Variants in CCNA1 observed in about 807,000 individuals in gnomAD.
CCNA1 encodes cyclin A1.
A neutral mutation model predicts 54.1 loss-of-function variants in CCNA1; 23 were observed. The ratio of observed to expected loss-of-function variants is 0.42; its 90% CI spans 0.31 to 0.60. The LOEUF is 0.60. Among genes scored for constraint, CCNA1 ranks in the 20% least tolerant of loss-of-function variants. The pLI is 0.14. For synonymous variants in CCNA1, 208 were observed against 213.9 expected, an observed-to-expected ratio of 0.97 and a Z score of 0.24; for missense variants, 450 against 556.7, an observed-to-expected ratio of 0.81 and a Z score of 1.93.
At chr13:36,431,631 TC>T (rs1411289966), upstream of CCNA1, 3 of 152,240 alleles carry the variant, frequency 2.0e-5, no homozygotes, top group Non-Finnish European at 2.9e-5. Flanking sequence ...CCACATCTCC[TC>T]TGCCGCCTCG....
At chr13:36,435,734 T>A (rs2055796021) in intron 2 of CCNA1, among the ~76,000 whole-genome samples, 1 of 152,228 alleles carries the variant, frequency 6.6e-6, no homozygotes. Context: ...TATTTCTATC[T>A]CTGGCCTGGG....
At chr13:36,433,611 G>T (rs1421088722) in intron 2 of CCNA1, among the ~76,000 whole-genome samples, 28 of 147,012 alleles carry the variant, frequency 1.9e-4, no homozygotes, top group African/African-American at 6.6e-4. Context: ...CGCGATCTCG[G>T]CTCACTGCAA....
At chr13:36,432,448 C>G (rs999807605), upstream of CCNA1, 3 of 519,522 alleles carry the variant, frequency 5.8e-6, no homozygotes, top group Non-Finnish European at 1.0e-5. Flanking sequence ...CCGCCCTGCC[C>G]CGCCCAGCCG....
upstream of CCNA1, chr13:36,432,059 C>A (rs1033057048): frequency 1.3e-5 from 2 of 153,094 alleles, no homozygotes; most frequent in African/African-American, 4.8e-5. Flanking sequence ...GTCAGCCCCA[C>A]CTCGCCCGGG....
chr13:36,441,024 G>A, intron 6 of CCNA1, 94 bp from the exon 7 acceptor site: 1 of 642,796 alleles, frequency 1.6e-6, no homozygotes, highest in Non-Finnish European at 2.7e-6. Flanking sequence ...ACTGAACAAA[G>A]ATAAGATACC....
chr13:36,440,285 TC>T, intron 6 of CCNA1, 102 bp downstream of exon 6: 1 of 1,055,256 alleles, frequency 9.5e-7, no homozygotes. Flanking sequence ...TCAGTTTTCT[TC>T]CCACAGGCCC....
chr13:36,442,440 T>A lies in CCNA1; in HGVS notation c.1346+136T>A, dbSNP rs9576054. On this transcript the variant is annotated intron_variant, in intron 8 of 8. Coordinates refer to ENST00000255465, the MANE Select transcript of CCNA1 (RefSeq NM_003914.4). ...AAAAGTAAGGGTACGTGTACAAATT[T>A]ACAAATAAATTTGAAAAGACCTAGA... is the stretch of plus-strand genomic sequence containing the variant. 2.8e-5 allele frequency: 32 copies of A among 1,143,932 alleles called. No individual in the cohort carries two copies. In the East Asian group the frequency reaches 6.8e-4, roughly 24 times the overall value. 70.9% of individuals were successfully genotyped at this position (1,143,932 alleles called of 1,614,324 possible). A position where few individuals can be genotyped will look rare whatever the true frequency, so the allele number is the denominator to read the frequency against.
intron 2 of CCNA1, among the ~76,000 whole-genome samples, chr13:36,433,434 C>CTTTTCT (rs1555269919): frequency 3.1e-5 from 3 of 96,956 alleles, no homozygotes; most frequent in African/African-American, 1.1e-4. Flanking sequence ...TTCTTTCTTT[C>CTTTTCT]TTTCTTTCGT....
intron 8 of CCNA1, 52 bp downstream of exon 8, chr13:36,442,356 T>A (rs375768519): frequency 5.6e-5 from 88 of 1,570,338 alleles, no homozygotes; most frequent in Non-Finnish European, 7.4e-5. Flanking sequence ...GCTTAATGGG[T>A]TATAGTAATG....
chr13:36,439,040 A>C (rs1449648956), intron 5 of CCNA1, among the ~76,000 whole-genome samples, 173 bp downstream of exon 5: 1 of 152,186 alleles, frequency 6.6e-6, no homozygotes, highest in Non-Finnish European at 1.5e-5. Context: ...GAAACTTACC[A>C]CATGTTTACT....
Position 36,437,825 on chromosome 13 carries a change from AC to A in CCNA1, c.495del (p.Asp165GlufsTer23). 1.9e-6 allele frequency: 3 copies of A among 1,614,164 alleles called. No homozygotes were observed. The highest frequency in any genetic ancestry group is 2.5e-6 in the Non-Finnish European group (3 of 1,180,022). On this transcript the variant is annotated frameshift_variant, in exon 3 of 9. Coordinates refer to ENST00000255465, the MANE Select transcript of CCNA1 (RefSeq NM_003914.4). LOFTEE classifies it high-confidence loss of function. ...GCATTTGAGGATGTGTATGAAGTAG[AC>A]ACCGGCACACTCAAGTCAGACCTGC...
chr13:36,433,517 C>G, intron 2 of CCNA1, among the ~76,000 whole-genome samples: 1 of 130,918 alleles, frequency 7.6e-6, no homozygotes, highest in South Asian at 2.6e-4. Flanking sequence ...TCTTCCTTTC[C>G]TTTTTTTTTC....
chr13:36,434,025 G>C (rs1238728471), intron 2 of CCNA1, among the ~76,000 whole-genome samples: 1 of 152,212 alleles, frequency 6.6e-6, no homozygotes, highest in Admixed American at 6.5e-5. Flanking sequence ...CTGTGGAACT[G>C]GGGTTCCTCC....
At position 36,433,042 on chromosome 13, in the gene CCNA1, G is replaced by C; in HGVS notation, c.118G>C (p.Val40Leu). The change falls in exon 2 of 9, where the codon GTG (valine) becomes CTG (leucine). Residue 40 changes from valine to leucine, a missense_variant. Coordinates refer to ENST00000255465, the MANE Select transcript of CCNA1 (RefSeq NM_003914.4). ...TCTCTTTCCCTGGTAGCAGCAGCCC[G>C]TGGAGTCTGAAGCAATGCACTGCAG... The C allele has an allele frequency of 1.9e-6, 3 of 1,612,484 alleles. No individual in the cohort carries two copies. The highest frequency in any genetic ancestry group is 2.5e-6 in the Non-Finnish European group (3 of 1,179,250).
intron 5 of CCNA1, among the ~76,000 whole-genome samples, 159 bp downstream of exon 5, chr13:36,439,026 A>C (rs1233143285): frequency 2.0e-5 from 3 of 152,206 alleles, no homozygotes; most frequent in Non-Finnish European, 4.4e-5. Context: ...TTGACTGAGA[A>C]ACTGAAACTT....
Position 36,441,146 on chromosome 13 carries a change from CA to C in CCNA1, c.1128del (p.Asp377IlefsTer4). On this transcript the variant is annotated frameshift_variant, in exon 7 of 9. Coordinates refer to ENST00000255465, the MANE Select transcript of CCNA1 (RefSeq NM_003914.4). LOFTEE classifies it high-confidence loss of function. ...GTAGCAGAGCTGAGTCTACTTGAAGCAGATCCATTCTTGAAATATCTTCCTT... is the reference window on the plus strand; with the variant it reads ...GTAGCAGAGCTGAGTCTACTTGAAGCGATCCATTCTTGAAATATCTTCCTT... 1 of 1,610,438 alleles carries C rather than the reference CA, an allele frequency of 6.2e-7. No individual in the cohort carries two copies. The highest frequency in any genetic ancestry group is 8.5e-7 in the Non-Finnish European group (1 of 1,176,922).
chr13:36,437,561 C>T, intron 2 of CCNA1, 68 bp from the exon 3 acceptor site: 6 of 1,487,302 alleles, frequency 4.0e-6, no homozygotes, highest in South Asian at 3.7e-5. Flanking sequence ...TGGTTTGAGT[C>T]ATGCAGGTTC....
chr13:36,433,648 C>T (rs1417704938), intron 2 of CCNA1, among the ~76,000 whole-genome samples: 2 of 150,520 alleles, frequency 1.3e-5, no homozygotes, highest in Non-Finnish European at 1.5e-5. Context: ...TCAAGCGATT[C>T]TCCTGCCTCA....
At chr13:36,432,760 G>C (rs1202821405) in intron 1 of CCNA1, 31 bp downstream of exon 1, 1 of 1,394,098 alleles carries the variant, frequency 7.2e-7, no homozygotes, top group African/African-American at 1.4e-5. Context: ...CGACTTGGAG[G>C]CTTGTCAGAA....
Sources: allele counts gnomAD v4.1 joint callset (sites outside exome capture counted in the v4.1 genomes callset), GRCh38; gene constraint gnomAD v4.1.1; transcripts MANE v1.5; gene names NCBI Gene and HGNC (gene_info 2026-07-23, HGNC 2026-07-21).